AMER1: variants seen among roughly 807,000 people sequenced by gnomAD.
The protein encoded by AMER1 is RP11-403E24.2.
In AMER1, 16 loss-of-function variants were observed where a neutral mutation model predicts 53.0. That is an observed-to-expected ratio of 0.30 (90% CI 0.20 to 0.46). The LOEUF (loss-of-function observed/expected upper bound fraction) is 0.46, where lower values mean the gene tolerates loss of function less well. AMER1 is among the 20% of genes least tolerant of loss of function. AMER1 has a pLI of 1.00. For synonymous variants in AMER1, 354 were observed against 331.9 expected, an observed-to-expected ratio of 1.07 and a Z score of -0.73; for missense variants, 947 against 884.9, an observed-to-expected ratio of 1.07 and a Z score of -0.89.
In AMER1 at chrX:64,192,952, T is replaced by C; in HGVS notation, c.335A>G (p.Glu112Gly). 1 of 1,211,677 alleles carries C rather than the reference T, an allele frequency of 8.3e-7. No homozygotes were observed. The highest frequency in any genetic ancestry group is 1.7e-5 in the African/African-American group (1 of 57,727). ...AAHGPEDVVS[E>G]GTGFSLPLPE... ...CAAAGGCAGGGAGAAGCCAGTTCCT[T>C]CACTGACAACATCTTCAGGGCCATG... The change falls in exon 2 of 2, where the codon GAA becomes GGA. Residue 112 changes from glutamate (E) to glycine (G), a missense_variant. By Grantham distance (98) the Glu-to-Gly change is moderately conservative. Transcript: ENST00000374869.
At position 64,189,163 on chromosome X, in the gene AMER1, G is replaced by A. The variant is rs1028046629; in HGVS notation, c.*716C>T. The A allele has an allele frequency of 1.6e-5, 13 of 797,791 alleles. No homozygotes were observed. Among genetic ancestry groups the A allele is most frequent in the Middle Eastern group, 6.3e-4 (1 of 1,576 alleles). 65.7% of individuals were successfully genotyped at this position (797,791 alleles called of 1,213,427 possible). A position where few individuals can be genotyped will look rare whatever the true frequency, so the allele number is the denominator to read the frequency against. On this transcript the variant is annotated 3_prime_UTR_variant, in exon 2 of 2. Coordinates refer to ENST00000374869, the MANE Select transcript of AMER1 (RefSeq NM_152424.4). ...TGGTCATGATGCCAAAGTCCACAGCGATAGGCTGTGAGACACACGCTACTT... is the reference window on the plus strand; with the variant it reads ...TGGTCATGATGCCAAAGTCCACAGCAATAGGCTGTGAGACACACGCTACTT...
rs200234328 is a variant in AMER1 at position 64,189,373 on chromosome X, G to C, written c.*506C>G. 70 of 781,505 alleles carry C rather than the reference G, an allele frequency of 9.0e-5. No homozygotes were observed. The East Asian group carries it at 5.7e-3, about 63-fold the overall frequency. The allele number at this position is 781,505 out of a possible 1,213,427, so 64.4% of individuals were successfully genotyped here. ...AATGCAGACTTGGCTGCTAATCAGT[G>C]GTTCATCATTCATTGGGGGAAAGGG... On this transcript the variant is annotated 3_prime_UTR_variant, in exon 2 of 2. Coordinates refer to ENST00000374869, the MANE Select transcript of AMER1 (RefSeq NM_152424.4).
chrX:64,189,792 A>AGGGGGGGGGGCCCCCCCCCC lies in AMER1; in HGVS notation c.*86_*87insGGGGGGGGGGCCCCCCCCCC. 1.3e-6 allele frequency: 1 copy of AGGGGGGGGGGCCCCCCCCCC among 746,978 alleles called. No individual in the cohort carries two copies. The highest frequency in any genetic ancestry group is 1.7e-6 in the Non-Finnish European group (1 of 590,434). The allele number at this position is 746,978 out of a possible 1,213,427, so 61.6% of individuals were successfully genotyped here. On this transcript the variant is annotated 3_prime_UTR_variant, in exon 2 of 2. Transcript: ENST00000374869. ...CCAAAGGGTTTTCAAGTTAAACAAC[A>AGGGGGGGGGGCCCCCCCCCC]ACCCCCACCCCCCCACCCTTCTGCC...
In AMER1 at chrX:64,188,548, C is replaced by T; in HGVS notation, c.*1331G>A. On this transcript the variant is annotated 3_prime_UTR_variant, in exon 2 of 2. Coordinates refer to ENST00000374869, the MANE Select transcript of AMER1 (RefSeq NM_152424.4). The stretch of plus-strand genomic sequence containing the variant: ...GACTCGGCTAATTGGAAGATAAAAG[C>T]TCTTTAAAGGGCCCAGAACAGCAGC... 1.2e-6 allele frequency: 1 copy of T among 804,402 alleles called. No homozygotes were observed. Among genetic ancestry groups the T allele is most frequent in the Non-Finnish European group, 1.5e-6 (1 of 670,107 alleles). The allele number at this position is 804,402 out of a possible 1,213,427, so 66.3% of individuals were successfully genotyped here. A position where few individuals can be genotyped will look rare whatever the true frequency, so the allele number is the denominator to read the frequency against.
Position 64,187,805 on chromosome X carries a change from T to G in AMER1, c.*2074A>C. The G allele has an allele frequency of 1.3e-6, 1 of 777,086 alleles. No homozygotes were observed. Among genetic ancestry groups the G allele is most frequent in the Non-Finnish European group, 1.5e-6 (1 of 652,470 alleles). 64.0% of individuals were successfully genotyped at this position (777,086 alleles called of 1,213,427 possible). On this transcript the variant is annotated 3_prime_UTR_variant, in exon 2 of 2. Transcript: ENST00000374869. ...GGCCAGAAAGTTGGAATTTGGGCACTTCTCTCTTGGAATGCTGTGCTTGGG... is the reference window on the plus strand; with the variant it reads ...GGCCAGAAAGTTGGAATTTGGGCACGTCTCTCTTGGAATGCTGTGCTTGGG...
In AMER1 at chrX:64,190,947, C is replaced by T. The variant is rs2147086298; in HGVS notation, c.2340G>A (p.Gly780=). 8.3e-7 allele frequency: 1 copy of T among 1,211,138 alleles called. No homozygotes were observed. Among genetic ancestry groups the T allele is most frequent in the Non-Finnish European group, 1.1e-6 (1 of 895,232 alleles). Residue 780 remains glycine (G), a synonymous_variant, in exon 2 of 2, where the codon GGG becomes GGA. Transcript: ENST00000374869. ...SQALVEFTSN[G]NLFSSMSCSS... ...TGCAGGACATGCTGGAAAAGAGGTT[C>T]CCATTGCTGGTGAACTCTACCAGGG...
rs2147089473 is a variant in AMER1 at position 64,192,374 on chromosome X, C to A, written c.913G>T (p.Val305Leu). 1 of 1,212,563 alleles carries A rather than the reference C, an allele frequency of 8.2e-7. No homozygotes were observed. Among genetic ancestry groups the A allele is most frequent in the Non-Finnish European group, 1.1e-6 (1 of 895,686 alleles). The change falls in exon 2 of 2, where the codon GTG becomes TTG. Residue 305 changes from valine to leucine, a missense_variant. Transcript: ENST00000374869. ...AGEVNPPNGP[V>L]GDPLSLLFGD... ...AACAAGAGGCTCAGTGGGTCCCCCA[C>A]AGGGCCATTGGGTGGGTTTACCTCT...
At chrX:64,194,277 A>G (rs186579801) in intron 1 of AMER1, among the ~76,000 whole-genome samples, 17 of 110,954 alleles carry the variant, frequency 1.5e-4, no homozygotes, top group African/African-American at 5.2e-4. Flanking sequence ...TCCTCTTATT[A>G]TTTTTGTCCC....
At chrX:64,201,491 A>ACACACACACAC (rs1569194256) in intron 1 of AMER1, among the ~76,000 whole-genome samples, 1 of 106,720 alleles carries the variant, frequency 9.4e-6, no homozygotes, top group African/African-American at 3.5e-5. Flanking sequence ...ACACACACAC[A>ACACACACACAC]AGGTTTAACT....
intron 1 of AMER1, among the ~76,000 whole-genome samples, chrX:64,199,081 C>T (rs1274486191): frequency 8.9e-6 from 1 of 112,067 alleles, no homozygotes; most frequent in African/African-American, 3.2e-5. Context: ...CCCTTCAGCT[C>T]CTCCCCTAAT....
rs1930078244 is a variant in AMER1 at position 64,185,147 on chromosome X, G to A, written c.*4732C>T. The A allele has an allele frequency of 6.8e-6, 1 of 146,228 alleles. No individual in the cohort carries two copies. The highest frequency in any genetic ancestry group is 8.6e-5 in the Admixed American group (1 of 11,686). 12.1% of individuals were successfully genotyped at this position (146,228 alleles called of 1,213,427 possible). A position where few individuals can be genotyped will look rare whatever the true frequency, so the allele number is the denominator to read the frequency against. On this transcript the variant is annotated 3_prime_UTR_variant, in exon 2 of 2. Transcript: ENST00000374869. ...GAGGGGTTCCCTCTTGAACCCAGAAGTTTATTAGCATTCAGCAAAGAAGTA... is the reference window on the plus strand; with the variant it reads ...GAGGGGTTCCCTCTTGAACCCAGAAATTTATTAGCATTCAGCAAAGAAGTA...
At chrX:64,197,961 A>G (rs932377872) in intron 1 of AMER1, among the ~76,000 whole-genome samples, 1 of 112,800 alleles carries the variant, frequency 8.9e-6, no homozygotes, top group East Asian at 2.8e-4. Flanking sequence ...ACTTTTATTC[A>G]TATTTTATTC....
intron 1 of AMER1, among the ~76,000 whole-genome samples, chrX:64,194,247 C>G (rs1324964616): frequency 2.7e-5 from 3 of 111,505 alleles, no homozygotes; most frequent in Non-Finnish European, 5.6e-5. Flanking sequence ...ATGAGGTGGA[C>G]TGTTTCTCCT....
chrX:64,203,812 C>T (rs948246476), intron 1 of AMER1, among the ~76,000 whole-genome samples: 24 of 111,516 alleles, frequency 2.2e-4, no homozygotes, highest in African/African-American at 7.8e-4. Flanking sequence ...GAGGGCAGGT[C>T]CAGCCCTGGG....
rs373315882 is a variant in AMER1, at chrX:64,190,160, T to C, written c.3127A>G (p.Ser1043Gly). 249 of 1,207,408 alleles carry C rather than the reference T, an allele frequency of 2.1e-4. No homozygotes were observed. Among genetic ancestry groups the C allele is most frequent in the Admixed American group, 2.6e-4 (12 of 45,773 alleles). The change falls in exon 2 of 2, where the codon AGC becomes GGC. Residue 1043 changes from serine to glycine, a missense_variant. By Grantham distance (56) the Ser-to-Gly change is moderately conservative. Coordinates refer to ENST00000374869, the MANE Select transcript of AMER1 (RefSeq NM_152424.4). ...CYNLQPQASQ[S>G]MRARPRDVLL... is the part of the protein sequence containing the mutation. Reference sequence around the variant, plus strand: ...ACATCTCGAGGCCTGGCCCTCATGCTCTGGGAGGCCTGTGGCTGGAGGTTA... The same window carrying C: ...ACATCTCGAGGCCTGGCCCTCATGCCCTGGGAGGCCTGTGGCTGGAGGTTA...
intron 1 of AMER1, among the ~76,000 whole-genome samples, chrX:64,193,649 A>G (rs1930307769): frequency 8.9e-6 from 1 of 111,908 alleles, no homozygotes; most frequent in Admixed American, 9.4e-5. Flanking sequence ...AGACCATCCT[A>G]AGCTCAGGGG....
In AMER1 at chrX:64,185,762, T is replaced by A. The variant is rs923945621; in HGVS notation, c.*4117A>T. 1 of 190,731 alleles carries A rather than the reference T, an allele frequency of 5.2e-6. No homozygotes were observed. The highest frequency in any genetic ancestry group is 9.7e-6 in the Non-Finnish European group (1 of 102,580). The allele number at this position is 190,731 out of a possible 1,213,427, so 15.7% of individuals were successfully genotyped here. A position where few individuals can be genotyped will look rare whatever the true frequency, so the allele number is the denominator to read the frequency against. ...CCAAAGCCTCTCTTCTGGGAAAATG[T>A]CACAATCAACTGAGCTCCTAGGAAG... On this transcript the variant is annotated 3_prime_UTR_variant, in exon 2 of 2. Coordinates refer to ENST00000374869, the MANE Select transcript of AMER1 (RefSeq NM_152424.4).
chrX:64,194,370 G>A (rs984602754), intron 1 of AMER1, among the ~76,000 whole-genome samples: 3 of 111,527 alleles, frequency 2.7e-5, no homozygotes, highest in African/African-American at 9.8e-5. Context: ...GGTTCCCAAT[G>A]GCTTTTTAAA....
Position 64,189,793 on chromosome X carries a change from A to ACGGGGCCCCCCCCCCCCC in AMER1, c.*85_*86insGGGGGGGGGGGGGCCCCG. 3.4e-6 allele frequency: 1 copy of ACGGGGCCCCCCCCCCCCC among 292,069 alleles called. No homozygotes were observed. Among genetic ancestry groups the ACGGGGCCCCCCCCCCCCC allele is most frequent in the Non-Finnish European group, 4.9e-6 (1 of 204,827 alleles). 24.1% of individuals were successfully genotyped at this position (292,069 alleles called of 1,213,427 possible). ...CAAAGGGTTTTCAAGTTAAACAACA[A>ACGGGGCCCCCCCCCCCCC]CCCCCACCCCCCCACCCTTCTGCCC... On this transcript the variant is annotated 3_prime_UTR_variant, in exon 2 of 2. Coordinates refer to ENST00000374869, the MANE Select transcript of AMER1 (RefSeq NM_152424.4).
Sources: allele counts gnomAD v4.1 joint callset (sites outside exome capture counted in the v4.1 genomes callset), GRCh38; gene constraint gnomAD v4.1.1; transcripts MANE v1.5; gene names NCBI Gene and HGNC (gene_info 2026-07-23, HGNC 2026-07-21).